GNG2: variants seen among roughly 807,000 people sequenced by gnomAD.
GNG2 encodes the protein G protein subunit gamma 2, also known as guanine nucleotide-binding protein G(I)/G(S)/G(O) subunit gamma-2.
A neutral mutation model predicts 5.5 loss-of-function variants in GNG2; 5 were observed. The ratio of observed to expected loss-of-function variants is 0.91; its 90% CI spans 0.48 to 1.92. The LOEUF is 1.92. GNG2 is among the 30% of genes most tolerant of loss of function. The pLI, the probability that GNG2 is intolerant of heterozygous loss-of-function variation, is 0.01. For missense variants in GNG2, 55 were observed against 88.4 expected (o/e 0.62, Z 1.52); for synonymous variants, 28 against 32.0 (o/e 0.88, Z 0.42).
chr14:51,855,214 G>T (rs938955100), intron 2 of GNG2, among the ~76,000 whole-genome samples: 1 of 152,188 alleles, frequency 6.6e-6, no homozygotes, highest in African/African-American at 2.4e-5. Context: ...AGAACTCATG[G>T]TTCCAACACA....
chr14:51,873,935 A>G (rs1202324682), intron 1 of GNG2: 1 of 152,216 alleles, frequency 6.6e-6, no homozygotes, highest in Non-Finnish European at 1.5e-5. Flanking sequence ...TGTGGGATAC[A>G]AAGGAGACCA....
At chr14:51,953,826 T>C (rs1197213393) in intron 3 of GNG2, among the ~76,000 whole-genome samples, 1 of 152,200 alleles carries the variant, frequency 6.6e-6, no homozygotes, top group African/African-American at 2.4e-5. Flanking sequence ...TTTCCATACA[T>C]GATCCTTCAG....
At chr14:51,959,664 G>C (rs912138189) in intron 3 of GNG2, among the ~76,000 whole-genome samples, 1 of 109,594 alleles carries the variant, frequency 9.1e-6, no homozygotes, top group East Asian at 2.2e-4. Flanking sequence ...TGAGTGCTTC[G>C]TTAGAATGTA....
At chr14:51,913,231 G>A (rs573963712) in intron 2 of GNG2, 12 of 152,300 alleles carry the variant, frequency 7.9e-5, no homozygotes, top group African/African-American at 2.4e-4. Context: ...AAAGTAGGCC[G>A]GGTATGGTGG....
chr14:51,843,430 G>T (rs1881539511), intron 2 of GNG2, among the ~76,000 whole-genome samples: 1 of 152,158 alleles, frequency 6.6e-6, no homozygotes, highest in South Asian at 2.1e-4. Context: ...CCTGTCGGGG[G>T]TGAGGGGAGG....
At chr14:51,958,603 C>T (rs546584996) in intron 3 of GNG2, among the ~76,000 whole-genome samples, 1 of 152,198 alleles carries the variant, frequency 6.6e-6, no homozygotes, top group Admixed American at 6.5e-5. Flanking sequence ...CACCTGGCTC[C>T]CCTTATCCTT....
chr14:51,904,530 A>C (rs1398257309), intron 2 of GNG2, among the ~76,000 whole-genome samples: 1 of 151,902 alleles, frequency 6.6e-6, no homozygotes, highest in Admixed American at 6.6e-5. Context: ...TGGCCCACCC[A>C]CTCCCAGCTA....
intron 2 of GNG2, among the ~76,000 whole-genome samples, chr14:51,828,390 A>G (rs1314305598): frequency 6.6e-6 from 1 of 152,236 alleles, no homozygotes; most frequent in African/African-American, 2.4e-5. Flanking sequence ...GTTATCATAA[A>G]GGAAAGCAGG....
intron 2 of GNG2, among the ~76,000 whole-genome samples, chr14:51,878,662 C>T (rs894019503): frequency 6.6e-6 from 1 of 152,064 alleles, no homozygotes; most frequent in Non-Finnish European, 1.5e-5. Context: ...ATAAGAGGAT[C>T]GATTTTCCTC....
chr14:51,908,315 C>A (rs1886065685), intron 2 of GNG2, among the ~76,000 whole-genome samples: 1 of 152,172 alleles, frequency 6.6e-6, no homozygotes, highest in African/African-American at 2.4e-5. Flanking sequence ...TTTAGAAGAA[C>A]CATATCATCA....
intron 2 of GNG2, among the ~76,000 whole-genome samples, chr14:51,935,026 T>C (rs896136362): frequency 6.7e-5 from 3 of 44,932 alleles, no homozygotes; most frequent in Admixed American, 3.5e-4. Context: ...AGTTTCTTTC[T>C]TTTTTTTTTT....
chr14:51,963,441 G>A (rs1889727497), intron 3 of GNG2, among the ~76,000 whole-genome samples: 2 of 152,172 alleles, frequency 1.3e-5, no homozygotes, highest in Admixed American at 1.3e-4. Context: ...CTGCCTAACA[G>A]CTAAGCTCCT....
At chr14:51,963,020 T>A (rs1375844233) in intron 3 of GNG2, among the ~76,000 whole-genome samples, 2 of 152,240 alleles carry the variant, frequency 1.3e-5, no homozygotes, top group Non-Finnish European at 2.9e-5. Flanking sequence ...TAATAGCTTG[T>A]GACCCATAAT....
In GNG2 at chr14:51,950,767, T is replaced by G; in HGVS notation, c.87+2T>G. 3.8e-6 allele frequency: 6 copies of G among 1,586,304 alleles called. No homozygotes were observed. Among genetic ancestry groups the G allele is most frequent in the Non-Finnish European group, 5.2e-6 (6 of 1,164,084 alleles). ...GAAGCCAATATCGACAGGATAAAGG[T>G]GAGGATGGTCTAACCCCACACTTCA... On this transcript the variant is annotated splice_donor_variant, in intron 3 of 3. Coordinates refer to ENST00000556766, the MANE Select transcript of GNG2 (RefSeq NM_053064.5). LOFTEE classifies it high-confidence loss of function.
intron 2 of GNG2, among the ~76,000 whole-genome samples, chr14:51,946,092 T>C (rs779692108): frequency 6.6e-6 from 1 of 152,212 alleles, no homozygotes; most frequent in Admixed American, 6.5e-5. Flanking sequence ...TAGAACAGCA[T>C]GCATTTAACG....
At chr14:51,915,615 A>G (rs1886574277) in intron 2 of GNG2, among the ~76,000 whole-genome samples, 1 of 152,238 alleles carries the variant, frequency 6.6e-6, no homozygotes, top group Non-Finnish European at 1.5e-5. Context: ...AAAAGAAGAA[A>G]CAAAAGTCTT....
chr14:51,914,135 GT>G, intron 2 of GNG2: 5 of 671,320 alleles, frequency 7.4e-6, no homozygotes, highest in Admixed American at 2.3e-5. Flanking sequence ...CAATCATCTT[GT>G]TTTTGGGGGA....
At chr14:51,867,980 C>A (rs1293835463) in intron 1 of GNG2, among the ~76,000 whole-genome samples, 2 of 152,102 alleles carry the variant, frequency 1.3e-5, no homozygotes, top group Non-Finnish European at 2.9e-5. Context: ...TTATACCACA[C>A]AATGCAGTTT....
intron 2 of GNG2, among the ~76,000 whole-genome samples, chr14:51,890,159 A>G (rs1340583158): frequency 6.6e-6 from 1 of 152,194 alleles, no homozygotes; most frequent in Admixed American, 6.5e-5. Flanking sequence ...CTCCCTTTCT[A>G]ATTGTCTTCC....
Sources: gnomAD v4.1 joint callset for allele counts (sites outside exome capture counted in the v4.1 genomes callset) on GRCh38, gnomAD v4.1.1 for gene constraint, MANE v1.5 for transcripts, NCBI Gene and HGNC (gene_info 2026-07-23, HGNC 2026-07-21) for gene names.